The following ULK1 variants were observed in gnomAD, a reference collection of about 807,000 sequenced individuals.
ULK1 encodes serine/threonine-protein kinase ULK1.
A neutral mutation model predicts 117.5 loss-of-function variants in ULK1; 48 were observed. The ratio of observed to expected loss-of-function variants is 0.41; its 90% confidence interval spans 0.32 to 0.52. The LOEUF (loss-of-function observed/expected upper bound fraction) is 0.52. Among genes scored for constraint, ULK1 ranks in the 20% least tolerant of loss-of-function variants. The pLI is 0.29. For missense variants in ULK1, 1,387 were observed against 1,473.4 expected (o/e 0.94, Z 0.96); for synonymous variants, 790 against 637.8 (o/e 1.24, Z -3.60).
chr12:131,917,171 GCT>G, intron 21 of ULK1, 109 bp downstream of exon 21: 1 of 334,548 alleles, frequency 3.0e-6, no homozygotes, highest in Admixed American at 7.1e-5. Context: ...GGGGCTCGAG[GCT>G]GTGGGATGGG....
rs1474551404 is a variant in ULK1, at chr12:131,901,670, AG to A, written c.247-5220del. On this transcript the variant is annotated intron_variant, in intron 3 of 27. Transcript: ENST00000321867. ...GGGGTGCTGTGTCTCCGTGGGTGACAGGAGTTGGTTTTTGTTTGTGCGCAGC... is the reference window on the plus strand; with the variant it reads ...GGGGTGCTGTGTCTCCGTGGGTGACAGAGTTGGTTTTTGTTTGTGCGCAGC... 9.8e-5 allele frequency among the ~76,000 whole-genome samples: 15 copies of A among 152,326 alleles called. No homozygotes were observed. The South Asian group carries it at 3.1e-3, about 32-fold the overall frequency.
intron 5 of ULK1, among the ~76,000 whole-genome samples, chr12:131,908,393 C>T (rs780637440): frequency 6.6e-6 from 1 of 152,082 alleles, no homozygotes. Context: ...GGCGGCCTCC[C>T]GTCTCTGGAG....
chr12:131,913,054 C>T, intron 13 of ULK1, 144 bp from the exon 14 acceptor site: 1 of 694,760 alleles, frequency 1.4e-6, no homozygotes, highest in Non-Finnish European at 2.2e-6. Flanking sequence ...ACCACCCAGG[C>T]TCTGCCCCCC....
At position 131,910,240 on chromosome 12, in the gene ULK1, CCTT is replaced by C. The variant is rs763767501; in HGVS notation, c.809-12_809-10del. The C allele has an allele frequency of 6.2e-4, 998 of 1,613,534 alleles. 1 individual carries two copies. The highest frequency in any genetic ancestry group is 8.2e-4 in the Non-Finnish European group (966 of 1,179,978). ...GGGGTCCTCCTGAGGCCTCACTCCTCCTTCCTCCTGCAGATGAGTTTTTTCATC... is the reference window on the plus strand; with the variant it reads ...GGGGTCCTCCTGAGGCCTCACTCCTCCCTCCTGCAGATGAGTTTTTTCATC... On this transcript the variant is annotated splice_polypyrimidine_tract_variant and intron_variant, in intron 10 of 27. Coordinates refer to ENST00000321867, the MANE Select transcript of ULK1 (RefSeq NM_003565.4).
Position 131,913,108 on chromosome 12 carries a change from G to C in ULK1, c.1097-90G>C, listed in dbSNP as rs950605446. On this transcript the variant is annotated intron_variant, in intron 13 of 27. Transcript: ENST00000321867. ...CTGAGGCCCCTGCAAGGTGGAGTGT[G>C]CGTGGGGATCCAGCAGAGAGCCTCG... 7 of 1,275,924 alleles carry C rather than the reference G, an allele frequency of 5.5e-6. No homozygotes were observed. In the African/African-American group the frequency reaches 9.2e-5, roughly 17 times the overall value. The allele number at this position is 1,275,924 out of a possible 1,614,324, so 79.0% of individuals were successfully genotyped here.
At chr12:131,913,983 T>C (rs1044599813) in intron 15 of ULK1, 147 bp downstream of exon 15, 27 of 743,808 alleles carry the variant, frequency 3.6e-5, no homozygotes, top group Middle Eastern at 4.0e-4. Context: ...TGGGGTCTGC[T>C]GGGTCGTCCT....
Position 131,912,225 on chromosome 12 carries a change from C to T in ULK1, c.1096+136C>T, listed in dbSNP as rs558381643. The stretch of plus-strand genomic sequence containing the variant: ...ATGGGCCCCTGGGAGCCACCGGCAT[C>T]GGCCCAGCTTGGTTGGGGAGGCCGT... On this transcript the variant is annotated intron_variant, in intron 13 of 27. Coordinates refer to ENST00000321867, the MANE Select transcript of ULK1 (RefSeq NM_003565.4). 1.0e-5 allele frequency: 14 copies of T among 1,357,620 alleles called. No homozygotes were observed. In the South Asian group the frequency reaches 1.0e-4, roughly 10 times the overall value. The allele number at this position is 1,357,620 out of a possible 1,614,324, so 84.1% of individuals were successfully genotyped here.
In ULK1 at chr12:131,910,282, T is replaced by C. The variant is rs148289937; in HGVS notation, c.837T>C (p.Asp279=). Reference sequence around the variant, plus strand: ...AGTTTTTTCATCACCCTTTCCTCGATGCCAGCCCCTCGGTCAGGAAATGTG... The same window carrying C: ...AGTTTTTTCATCACCCTTTCCTCGACGCCAGCCCCTCGGTCAGGAAATGTG... The part of the protein sequence containing the change: ...FDEFFHHPFL[D]ASPSVRKSPP... Residue 279 remains aspartate (D), a synonymous_variant, in exon 11 of 28, where the codon GAT becomes GAC. Coordinates refer to ENST00000321867, the MANE Select transcript of ULK1 (RefSeq NM_003565.4). 1 of 1,613,646 alleles carries C rather than the reference T, an allele frequency of 6.2e-7. No homozygotes were observed. The highest frequency in any genetic ancestry group is 1.3e-5 in the African/African-American group (1 of 74,926).
At chr12:131,909,679 G>A in intron 8 of ULK1, 96 bp from the exon 9 acceptor site, 2 of 1,312,602 alleles carry the variant, frequency 1.5e-6, no homozygotes, top group South Asian at 3.0e-5. Context: ...CGCAGCGTCT[G>A]GGGCAGGGGC....
Position 131,919,260 on chromosome 12 carries a change from G to A in ULK1, c.2560G>A (p.Val854Met), listed in dbSNP as rs774257002. Reference sequence around the variant, plus strand: ...TGGCCTGCGCTTCACGCTGCTGTTCGTGCAGCACGTCCTGGAGATCGCAGC... The same window carrying A: ...TGGCCTGCGCTTCACGCTGCTGTTCATGCAGCACGTCCTGGAGATCGCAGC... ...LRGLRFTLLFVQHVLEIAALK... is the reference protein window; with the variant it reads ...LRGLRFTLLFMQHVLEIAALK... Residue 854 changes from valine (V) to methionine (M), a missense_variant, in exon 24 of 28, where the codon GTG becomes ATG. Around this residue, in one of 4 missense-constraint regions of ULK1, gnomAD observed 900 missense variants for 858.9 expected, o/e 1.05. Coordinates refer to ENST00000321867, the MANE Select transcript of ULK1 (RefSeq NM_003565.4). 9.4e-6 allele frequency: 15 copies of A among 1,598,360 alleles called. No homozygotes were observed. Among genetic ancestry groups the A allele is most frequent in the East Asian group, 2.2e-5 (1 of 44,838 alleles).
intron 26 of ULK1, 164 bp downstream of exon 26, chr12:131,920,300 C>T (rs1480308308): frequency 4.3e-5 from 40 of 924,518 alleles, no homozygotes; most frequent in Non-Finnish European, 4.4e-5. Context: ...CTCCTGCAGG[C>T]GCTCGCAGCT....
chr12:131,918,699 C>A lies in ULK1; in HGVS notation c.2511+18C>A. The A allele has an allele frequency of 7.8e-7, 1 of 1,281,056 alleles. No homozygotes were observed. The highest frequency in any genetic ancestry group is 1.0e-6 in the Non-Finnish European group (1 of 972,746). The allele number at this position is 1,281,056 out of a possible 1,614,324, so 79.4% of individuals were successfully genotyped here. On this transcript the variant is annotated intron_variant, in intron 23 of 27. Coordinates refer to ENST00000321867, the MANE Select transcript of ULK1 (RefSeq NM_003565.4). ...TCATGGAGGTGAGGGCTGGAGTGAG[C>A]AAAGGTTCCCATTCTGGCTGGAGGG...
chr12:131,900,476 C>T lies in ULK1; in HGVS notation c.246+4652C>T, dbSNP rs181608867. On this transcript the variant is annotated intron_variant, in intron 3 of 27. Transcript: ENST00000321867. ...GGCGGCTGGAGCACCTGGGGAGCAC[C>T]TGGCCTCCTTACTGAGCATGTGGTG... 2.4e-3 allele frequency among the ~76,000 whole-genome samples: 373 copies of T among 152,362 alleles called. 1 individual carries two copies. The highest frequency in any genetic ancestry group is 4.4e-3 in the Admixed American group (68 of 15,306).
At chr12:131,895,964 A>C (rs1303883681) in intron 3 of ULK1, 140 bp downstream of exon 3, 2 of 1,089,402 alleles carry the variant, frequency 1.8e-6, no homozygotes, top group African/African-American at 3.1e-5. Flanking sequence ...CCCTGGGTCC[A>C]GGCCTGGGCT....
chr12:131,903,511 G>A lies in ULK1; in HGVS notation c.247-3381G>A, dbSNP rs566826407. On this transcript the variant is annotated intron_variant, in intron 3 of 27. Transcript: ENST00000321867. The surrounding 1 kb of genome is among the most constrained non-coding windows in gnomAD (Gnocchi z 6.0). Reference sequence around the variant, plus strand: ...TAGTTCAACTTCACAGGAGGCTCTCGGAGGCACGGGAAAGGCCCTGGTGTG... The same window carrying A: ...TAGTTCAACTTCACAGGAGGCTCTCAGAGGCACGGGAAAGGCCCTGGTGTG... Among the ~76,000 whole-genome samples the A allele has an allele frequency of 1.3e-3, 192 of 152,234 alleles. No individual in the cohort carries two copies. The highest frequency in any genetic ancestry group is 4.3e-3 in the African/African-American group (180 of 41,540).
chr12:131,912,526 TA>T (rs1889585159), intron 13 of ULK1, among the ~76,000 whole-genome samples: 1 of 152,232 alleles, frequency 6.6e-6, no homozygotes, highest in Non-Finnish European at 1.5e-5. Context: ...TGAAGGTGCC[TA>T]AACTTTTGGA....
Position 131,906,931 on chromosome 12 carries a change from G to A in ULK1, c.279+7G>A, listed in dbSNP as rs748963781. 1.9e-6 allele frequency: 3 copies of A among 1,613,956 alleles called. No individual in the cohort carries two copies. The highest frequency in any genetic ancestry group is 2.7e-5 in the African/African-American group (2 of 74,954). On this transcript the variant is annotated splice_region_variant and intron_variant, in intron 4 of 27. Transcript: ENST00000321867. ...TGTCTACCTGGTTATGGAGGTGAGT[G>A]CCTTGTGGTGCCAGGACAAGTGCAG...
chr12:131,895,070 C>T lies in ULK1; in HGVS notation c.69C>T (p.Gly23=), dbSNP rs140040966. The change falls in exon 1 of 28, where the codon GGC becomes GGT. Residue 23 remains glycine, a synonymous_variant. Transcript: ENST00000321867. ...KFEFSRKDLI[G]HGAFAVVFKG... is the part of the protein sequence containing the mutation. ...AGTTCTCCCGCAAGGACCTGATCGG[C>T]CACGGCGCCTTCGCGGTGGTCTTCA... 54 of 1,582,264 alleles carry T rather than the reference C, an allele frequency of 3.4e-5. No homozygotes were observed. In the African/African-American group the frequency reaches 6.1e-4, roughly 18 times the overall value.
Position 131,921,538 on chromosome 12 carries a change from C to T in ULK1, c.*177C>T. ...TGCAGCTCACGGGGCAGAACCAGCA[C>T]ATCTGGAGCCACACAGCTTGGGGGG... On this transcript the variant is annotated 3_prime_UTR_variant, in exon 28 of 28. Coordinates refer to ENST00000321867, the MANE Select transcript of ULK1 (RefSeq NM_003565.4). The T allele has an allele frequency of 1.2e-6, 1 of 866,392 alleles. No individual in the cohort carries two copies. The highest frequency in any genetic ancestry group is 2.5e-5 in the East Asian group (1 of 40,338). The allele number at this position is 866,392 out of a possible 1,614,324, so 53.7% of individuals were successfully genotyped here. A position where few individuals can be genotyped will look rare whatever the true frequency, so the allele number is the denominator to read the frequency against.
Sources: gnomAD v4.1 joint callset for allele counts (sites outside exome capture counted in the v4.1 genomes callset) on GRCh38, gnomAD v4.1.1 for gene constraint, gnomAD v4.1.1 regional missense constraint, Gnocchi (gnomAD v3.1) non-coding constraint, MANE v1.5 for transcripts, NCBI Gene and HGNC (gene_info 2026-07-23, HGNC 2026-07-21) for gene names.